Variants in GPC6 observed in about 807,000 individuals in gnomAD.
GPC6 encodes glypican-6.
In GPC6, 14 loss-of-function variants were observed where a neutral mutation model predicts 55.2. The ratio of observed to expected loss-of-function variants is 0.25; its 90% CI spans 0.17 to 0.40. GPC6 has a LOEUF of 0.40. Ranked by LOEUF, GPC6 falls within the 10% of genes least tolerant of loss-of-function variation. GPC6 has a pLI of 1.00. For synonymous variants in GPC6, 278 were observed against 259.6 expected (o/e 1.07, Z -0.68); for missense variants, 641 against 708.5 (o/e 0.90, Z 1.08).
At chr13:93,229,477 G>A (rs1214836113) in intron 1 of GPC6, among the ~76,000 whole-genome samples, 2 of 152,196 alleles carry the variant, frequency 1.3e-5, no homozygotes, top group Non-Finnish European at 2.9e-5. Flanking sequence ...ACTCTCAGGA[G>A]ACTAGAGTTC....
intron 3 of GPC6, among the ~76,000 whole-genome samples, chr13:93,870,714 C>T (rs1166626703): frequency 2.6e-5 from 4 of 151,792 alleles, no homozygotes; most frequent in South Asian, 2.1e-4. Context: ...CACACACACA[C>T]GGAAAACTGC....
chr13:93,648,462 G>A (rs1463928062), intron 2 of GPC6, among the ~76,000 whole-genome samples: 1 of 152,060 alleles, frequency 6.6e-6, no homozygotes, highest in Non-Finnish European at 1.5e-5. Flanking sequence ...ATACATCCTG[G>A]AATGGGAGAT....
intron 2 of GPC6, among the ~76,000 whole-genome samples, chr13:93,712,703 T>G (rs1883114355): frequency 6.6e-6 from 1 of 151,742 alleles, no homozygotes; most frequent in Admixed American, 6.6e-5. Context: ...CTTCTGTGTA[T>G]GCCTACCCAA....
intron 1 of GPC6, among the ~76,000 whole-genome samples, chr13:93,379,400 A>G (rs2139202029): frequency 6.6e-6 from 1 of 152,328 alleles, no homozygotes; most frequent in Admixed American, 6.5e-5. Context: ...AAATCTATTA[A>G]GAACTTAAGC....
chr13:93,375,069 C>A lies in GPC6; in HGVS notation c.160+147453C>A, dbSNP rs183488371. ...TTTAATTGCTTCGTGCCACTTCTGT[C>A]TTTGAAATCCATGTTATCCTGGCCT... On this transcript the variant is annotated intron_variant, in intron 1 of 8. Coordinates refer to ENST00000377047, the MANE Select transcript of GPC6 (RefSeq NM_005708.5). Among the ~76,000 whole-genome samples, 4 of 152,284 alleles carry A rather than the reference C, an allele frequency of 2.6e-5. No individual in the cohort carries two copies. In the East Asian group the frequency reaches 7.7e-4, roughly 29 times the overall value.
Position 93,852,049 on chromosome 13 carries a change from G to A in GPC6, c.711+21504G>A, listed in dbSNP as rs558801734. 6.6e-5 allele frequency among the ~76,000 whole-genome samples: 10 copies of A among 151,760 alleles called. 1 individual carries two copies. The South Asian group carries it at 2.1e-3, about 31-fold the overall frequency. On this transcript the variant is annotated intron_variant, in intron 3 of 8. Transcript: ENST00000377047. ...TGAAAAAAGCAAAATGTATTCCAAAGTAGTTGACAACAAAAACCTATGACA... is the reference window on the plus strand; with the variant it reads ...TGAAAAAAGCAAAATGTATTCCAAAATAGTTGACAACAAAAACCTATGACA...
intron 3 of GPC6, among the ~76,000 whole-genome samples, chr13:93,979,295 G>GTGTGTA (rs887020331): frequency 1.0e-4 from 15 of 149,574 alleles, no homozygotes; most frequent in Non-Finnish European, 1.9e-4. Context: ...GTGTGTGTGT[G>GTGTGTA]TGTGTGTGTG....
chr13:94,023,363 A>G (rs1372343327), intron 3 of GPC6, among the ~76,000 whole-genome samples: 3 of 151,528 alleles, frequency 2.0e-5, no homozygotes, highest in Non-Finnish European at 4.4e-5. Context: ...ATTTTGGATC[A>G]TTGACATCTA....
intron 1 of GPC6, among the ~76,000 whole-genome samples, chr13:93,235,415 C>T (rs1012935062): frequency 2.0e-5 from 3 of 151,954 alleles, no homozygotes; most frequent in African/African-American, 7.3e-5. Context: ...AGGTTCTTGG[C>T]AGAGAGGTGA....
intron 1 of GPC6, among the ~76,000 whole-genome samples, chr13:93,291,300 C>T (rs1047415079): frequency 6.6e-6 from 1 of 152,086 alleles, no homozygotes; most frequent in African/African-American, 2.4e-5. Flanking sequence ...AGTGACAGAG[C>T]CACCATCTCT....
At chr13:94,274,135 A>G (rs942802815) in intron 4 of GPC6, among the ~76,000 whole-genome samples, 6 of 152,232 alleles carry the variant, frequency 3.9e-5, no homozygotes, top group African/African-American at 1.2e-4. Flanking sequence ...AAAGAAGCCA[A>G]TGTCGGAAAA....
chr13:93,855,927 A>C (rs1031250037), intron 3 of GPC6, among the ~76,000 whole-genome samples: 2 of 151,512 alleles, frequency 1.3e-5, no homozygotes, highest in African/African-American at 4.8e-5. Flanking sequence ...TATATTTTGG[A>C]TAACAGTATT....
chr13:93,230,031 A>G (rs1356279676), intron 1 of GPC6, among the ~76,000 whole-genome samples: 2 of 152,092 alleles, frequency 1.3e-5, no homozygotes, highest in Non-Finnish European at 2.9e-5. Flanking sequence ...TTAATTATCT[A>G]GTGTAAGTGG....
At chr13:94,343,553 A>G (rs1380561009) in intron 6 of GPC6, among the ~76,000 whole-genome samples, 13 of 152,246 alleles carry the variant, frequency 8.5e-5, no homozygotes, top group Non-Finnish European at 1.8e-4. Flanking sequence ...TAAGAAAATG[A>G]AAGTCGAAGA....
intron 4 of GPC6, among the ~76,000 whole-genome samples, chr13:94,075,767 T>G (rs1354948057): frequency 6.6e-6 from 1 of 152,132 alleles, no homozygotes; most frequent in Non-Finnish European, 1.5e-5. Flanking sequence ...CTTCAAGGTT[T>G]ATGACAAGGT....
chr13:94,206,837 C>T lies in GPC6; in HGVS notation c.878-79512C>T, dbSNP rs558202125. Among the ~76,000 whole-genome samples the T allele has an allele frequency of 3.3e-5, 5 of 152,120 alleles. No individual in the cohort carries two copies. The South Asian group carries it at 6.2e-4, about 19-fold the overall frequency. The stretch of plus-strand genomic sequence containing the variant: ...CACTGCATTCCAACCTGGGTGACAG[C>T]GTGAGACCCTGTTTCAAAAAAGAAA... On this transcript the variant is annotated intron_variant, in intron 4 of 8. Coordinates refer to ENST00000377047, the MANE Select transcript of GPC6 (RefSeq NM_005708.5).
chr13:93,399,061 GACAC>G (rs35212206), intron 1 of GPC6, among the ~76,000 whole-genome samples: 49,745 of 150,636 alleles, frequency 0.33, 10,496 homozygotes, highest in Non-Finnish European at 0.48. Flanking sequence ...CACACACACA[GACAC>G]ACACACACAC....
chr13:94,140,479 G>T (rs1212318305), intron 4 of GPC6, among the ~76,000 whole-genome samples: 1 of 152,178 alleles, frequency 6.6e-6, no homozygotes, highest in Non-Finnish European at 1.5e-5. Flanking sequence ...TGTCTTCCAT[G>T]AATTGTGTTC....
chr13:93,657,886 A>G lies in GPC6; in HGVS notation c.319+112465A>G, dbSNP rs139126584. On this transcript the variant is annotated intron_variant, in intron 2 of 8. Coordinates refer to ENST00000377047, the MANE Select transcript of GPC6 (RefSeq NM_005708.5). The stretch of plus-strand genomic sequence containing the variant: ...ATAACTAATCATTAGAGAAATGCAA[A>G]TCAAAACCATAAGGAAATCCCATCT... Among the ~76,000 whole-genome samples the G allele has an allele frequency of 1.6e-3, 240 of 152,276 alleles. 2 individuals are homozygous for G. Among genetic ancestry groups the G allele is most frequent in the African/African-American group, 5.4e-3 (226 of 41,576 alleles).
Sources: gnomAD v4.1 joint callset for allele counts (sites outside exome capture counted in the v4.1 genomes callset) on GRCh38, gnomAD v4.1.1 for gene constraint, MANE v1.5 for transcripts, NCBI Gene and HGNC (gene_info 2026-07-23, HGNC 2026-07-21) for gene names.